The following NCOR2 variants were observed in gnomAD, a reference collection of about 807,000 sequenced individuals.
NCOR2 encodes nuclear receptor corepressor 2.
In NCOR2, 81 loss-of-function variants were observed where a neutral mutation model predicts 262.9. The observed-to-expected ratio is 0.31, with a 90% confidence interval of 0.26 to 0.37. The LOEUF (loss-of-function observed/expected upper bound fraction) is 0.37. Ranked by LOEUF, NCOR2 falls within the 10% of genes least tolerant of loss-of-function variation. The probability of loss-of-function intolerance (pLI) is 1.00; values close to 1 mark genes in which losing one functional copy is unlikely to be tolerated. For synonymous variants in NCOR2, 1,659 were observed against 1,559.3 expected, an observed-to-expected ratio of 1.06 and a Z score of -1.51; for missense variants, 3,385 against 3,621.4, an observed-to-expected ratio of 0.93 and a Z score of 1.68.
intron 1 of NCOR2, among the ~76,000 whole-genome samples, chr12:124,502,665 G>A (rs1319313439): frequency 6.6e-6 from 1 of 152,172 alleles, no homozygotes; most frequent in Non-Finnish European, 1.5e-5. Context: ...GCTATAGCCA[G>A]AAAGCTGGGG....
Position 124,348,168 on chromosome 12 carries a change from T to A in NCOR2, c.3985+6A>T. 1 of 1,609,910 alleles carries A rather than the reference T, an allele frequency of 6.2e-7. No individual in the cohort carries two copies. The highest frequency in any genetic ancestry group is 1.1e-5 in the South Asian group (1 of 91,060). Reference sequence around the variant, plus strand: ...CCGAGAGATGAAGTCTCCTCCCTGCTATCACCTTCGATGCTGGCTGAGGAG... The same window carrying A: ...CCGAGAGATGAAGTCTCCTCCCTGCAATCACCTTCGATGCTGGCTGAGGAG... On this transcript the variant is annotated splice_donor_region_variant and intron_variant, in intron 29 of 46. Coordinates refer to ENST00000405201, the Ensembl canonical transcript of NCOR2.
At chr12:124,497,803 C>A (rs1245576174), upstream of NCOR2, among the ~76,000 whole-genome samples, 1 of 152,226 alleles carries the variant, frequency 6.6e-6, no homozygotes, top group African/African-American at 2.4e-5. The surrounding 1 kb of genome is among the most constrained non-coding windows in gnomAD (Gnocchi z 4.2). Context: ...AATGATGCAG[C>A]TGCAGCCCAG....
intron 13 of NCOR2, among the ~76,000 whole-genome samples, chr12:124,410,072 G>A (rs991804455): frequency 1.3e-5 from 2 of 151,092 alleles, no homozygotes; most frequent in African/African-American, 4.9e-5. Context: ...ACAACCTGCC[G>A]CCTGTGAGCC....
chr12:124,530,331 T>C (rs2050714545), intron 1 of NCOR2: 2 of 151,610 alleles, frequency 1.3e-5, no homozygotes, highest in South Asian at 4.2e-4. Flanking sequence ...GCCAAGGGAC[T>C]GGTGGGGATT....
At position 124,481,443 on chromosome 12, in the gene NCOR2, C is replaced by T. The variant is rs965941418; in HGVS notation, c.411+2153G>A. Among the ~76,000 whole-genome samples the T allele has an allele frequency of 1.3e-5, 2 of 152,152 alleles. No homozygotes were observed. The highest frequency in any genetic ancestry group is 2.9e-5 in the Non-Finnish European group (2 of 68,004). On this transcript the variant is annotated intron_variant, in intron 3 of 46. Transcript: ENST00000405201. This position sits in a 1 kb window ranked among gnomAD's most constrained non-coding sequence, Gnocchi z 4.6. ...CTGCAGCCTCAGCCATGAGTGGCCT[C>T]GAGAGTCCCCACAGGGCTAGCCACA... is the stretch of plus-strand genomic sequence containing the variant.
Position 124,517,459 on chromosome 12 carries a change from G to A in NCOR2, c.-118+18106C>T, listed in dbSNP as rs973293397. ...CTGCCAAGTCCCTGGGCAAGCCTGG[G>A]CCGGTGGCGCTGATTTCAAACCAGA... is the stretch of plus-strand genomic sequence containing the variant. On this transcript the variant is annotated intron_variant, in intron 1 of 46. Transcript: ENST00000404621. The surrounding 1 kb of genome is among the most constrained non-coding windows in gnomAD (Gnocchi z 7.6). Among the ~76,000 whole-genome samples, 1 of 152,210 alleles carries A rather than the reference G, an allele frequency of 6.6e-6. No individual in the cohort carries two copies. The highest frequency in any genetic ancestry group is 1.5e-5 in the Non-Finnish European group (1 of 68,030).
intron 16 of NCOR2, among the ~76,000 whole-genome samples, chr12:124,397,395 T>C (rs898221494): frequency 6.6e-6 from 1 of 151,928 alleles, no homozygotes; most frequent in Non-Finnish European, 1.5e-5. Flanking sequence ...GAAGTAAAGA[T>C]CTTGGCCAGG....
chr12:124,548,783 G>A lies in NCOR2; in HGVS notation c.-164-13172C>T, dbSNP rs1363618492. ...CCATAAAAGTCACCCTCCCTACACA[G>A]TTTTCAAATGACCTGGCCATTCAAA... On this transcript the variant is annotated intron_variant, in intron 1 of 32. Coordinates refer to the NCOR2 transcript ENST00000458234. The surrounding 1 kb of genome is among the most constrained non-coding windows in gnomAD (Gnocchi z 5.1). Among the ~76,000 whole-genome samples, 1 of 151,966 alleles carries A rather than the reference G, an allele frequency of 6.6e-6. No individual in the cohort carries two copies. Among genetic ancestry groups the A allele is most frequent in the Non-Finnish European group, 1.5e-5 (1 of 68,008 alleles).
chr12:124,499,845 G>A (rs1344767718), upstream of NCOR2, among the ~76,000 whole-genome samples: 3 of 152,130 alleles, frequency 2.0e-5, no homozygotes, highest in Non-Finnish European at 2.9e-5. Flanking sequence ...AGCAAGAGTG[G>A]ATCAGGGAGA....
At chr12:124,354,743 C>T (rs977987029) in intron 25 of NCOR2, 94 bp downstream of exon 27, 1 of 1,357,526 alleles carries the variant, frequency 7.4e-7, no homozygotes, top group Middle Eastern at 2.2e-4. Context: ...ACCTGGAGTA[C>T]CGTGGGCCAA....
At position 124,483,660 on chromosome 12, in the gene NCOR2, G is replaced by C; in HGVS notation, c.347C>G (p.Pro116Arg). 1.2e-6 allele frequency: 2 copies of C among 1,611,818 alleles called. No individual in the cohort carries two copies. Among genetic ancestry groups the C allele is most frequent in the Non-Finnish European group, 1.7e-6 (2 of 1,179,176 alleles). Residue 116 changes from proline to arginine, a missense_variant, in exon 3 of 47, where the codon CCC becomes CGC. Physicochemically the swap from Pro to Arg is moderately radical, Grantham distance 103. Around this residue, in one of 5 missense-constraint regions of NCOR2, gnomAD observed 237 missense variants for 229.4 expected, o/e 1.03. Transcript: ENST00000405201. The surrounding 1 kb of genome is among the most constrained non-coding windows in gnomAD (Gnocchi z 6.3). ...CAGCAGGGGTGACGGTCGCAGCAGG[G>C]GGTCAGGCAGCAGCTCTAGCCGAGG... is the stretch of plus-strand genomic sequence containing the variant.
chr12:124,401,377 T>C (rs189406059), intron 14 of NCOR2, among the ~76,000 whole-genome samples: 4 of 152,334 alleles, frequency 2.6e-5, no homozygotes, highest in African/African-American at 9.6e-5. Context: ...GGCTGGTGGT[T>C]ATCTGCAAGA....
Position 124,457,345 on chromosome 12 carries a change from G to A in NCOR2, c.706-183C>T, listed in dbSNP as rs1267874820. Among the ~76,000 whole-genome samples, 1 of 152,120 alleles carries A rather than the reference G, an allele frequency of 6.6e-6. No homozygotes were observed. The highest frequency in any genetic ancestry group is 1.9e-4 in the East Asian group (1 of 5,150). ...CCCCACGCTGGAAAAAAACACAGAG[G>A]AGCCTCAATACCCCCACAGCGGCCC... is the stretch of plus-strand genomic sequence containing the variant. On this transcript the variant is annotated intron_variant, in intron 5 of 46. Coordinates refer to ENST00000405201, the Ensembl canonical transcript of NCOR2. This position sits in a 1 kb window ranked among gnomAD's most constrained non-coding sequence, Gnocchi z 4.0.
At chr12:124,407,739 C>A (rs998694663) in intron 13 of NCOR2, among the ~76,000 whole-genome samples, 3 of 152,228 alleles carry the variant, frequency 2.0e-5, no homozygotes, top group Non-Finnish European at 4.4e-5. Flanking sequence ...CCCAGCAACA[C>A]CGTCTGTGGC....
chr12:124,329,406 A>G (rs1270838784), intron 44 of NCOR2, among the ~76,000 whole-genome samples: 1 of 152,158 alleles, frequency 6.6e-6, no homozygotes, highest in Admixed American at 6.5e-5. Context: ...GGCTGCAGTG[A>G]GCCAAGATTG....
chr12:124,364,248 C>T (rs1461777130), intron 20 of NCOR2, among the ~76,000 whole-genome samples: 2 of 152,224 alleles, frequency 1.3e-5, no homozygotes, highest in African/African-American at 2.4e-5. Context: ...AGAATCAGCC[C>T]GATTCAGGGA....
intron 44 of NCOR2, among the ~76,000 whole-genome samples, chr12:124,327,846 G>A (rs899632033): frequency 1.3e-5 from 2 of 151,914 alleles, no homozygotes; most frequent in South Asian, 4.2e-4. Flanking sequence ...TGATAAAAGG[G>A]GAGAGGCTGG....
At chr12:124,505,033 C>T (rs1285563373) in intron 1 of NCOR2, among the ~76,000 whole-genome samples, 3 of 152,212 alleles carry the variant, frequency 2.0e-5, no homozygotes, top group Admixed American at 6.5e-5. Flanking sequence ...ATATTTTGTA[C>T]GTATTTTACC....
chr12:124,495,076 G>A lies in NCOR2; in HGVS notation c.105+71C>T. The A allele has an allele frequency of 1.3e-6, 2 of 1,559,146 alleles. No individual in the cohort carries two copies. The highest frequency in any genetic ancestry group is 1.4e-5 in the African/African-American group (1 of 73,842). On this transcript the variant is annotated intron_variant, in intron 1 of 46. Coordinates refer to ENST00000405201, the Ensembl canonical transcript of NCOR2. This position sits in a 1 kb window ranked among gnomAD's most constrained non-coding sequence, Gnocchi z 4.4. ...GCCTGGCTCCCAGGAGAAAGGAAGG[G>A]GTGAAGACTCAGTGGAATGGAAGAA...
Sources: allele counts gnomAD v4.1 joint callset (sites outside exome capture counted in the v4.1 genomes callset), GRCh38; gene constraint gnomAD v4.1.1; regional missense constraint gnomAD v4.1.1; non-coding constraint Gnocchi (gnomAD v3.1); transcripts MANE v1.5; gene names NCBI Gene and HGNC (gene_info 2026-07-23, HGNC 2026-07-21).